GPR146: variants seen among roughly 807,000 people sequenced by gnomAD.
GPR146 encodes G protein-coupled receptor 146, also known as G-protein coupled receptor 146.
For synonymous variants in GPR146, 203 were observed against 104.3 expected (o/e 1.95, Z -5.77); for missense variants, 381 against 213.9 (o/e 1.78, Z -4.87).
chr7:1,048,052 G>C (rs911403752), intron 1 of GPR146, among the ~76,000 whole-genome samples: 1 of 152,142 alleles, frequency 6.6e-6, no homozygotes, highest in African/African-American at 2.4e-5. Context: ...AAGACTGGCG[G>C]AGGGGTGTGG....
chr7:1,050,636 G>A (rs997238670), intron 1 of GPR146, among the ~76,000 whole-genome samples: 1 of 152,202 alleles, frequency 6.6e-6, no homozygotes, highest in Non-Finnish European at 1.5e-5. Context: ...CAGCCTTCCC[G>A]GGCTTGGAAC....
At position 1,057,588 on chromosome 7, in the gene GPR146, G is replaced by A. The variant is rs899190503; in HGVS notation, c.73G>A (p.Gly25Arg). 3 of 771,856 alleles carry A rather than the reference G, an allele frequency of 3.9e-6. No individual in the cohort carries two copies. Among genetic ancestry groups the A allele is most frequent in the African/African-American group, 3.4e-5 (2 of 59,120 alleles). 47.8% of individuals were successfully genotyped at this position (771,856 alleles called of 1,614,324 possible). Residue 25 changes from glycine to arginine, a missense_variant, in exon 2 of 2, where the codon GGG (glycine) becomes AGG (arginine). Physicochemically the swap from Gly to Arg is moderately radical, Grantham distance 125. Coordinates refer to ENST00000444847, the MANE Select transcript of GPR146 (RefSeq NM_001303473.2). ...GCCTGCCTGCCAGGACCTGCAGCTG[G>A]GGCTGTCACTGTTGTCGCTGCTGGG... ...ELPACQDLQLGLSLLSLLGLV... is the reference protein window; with the variant it reads ...ELPACQDLQLRLSLLSLLGLV...
At chr7:1,053,431 G>A (rs1271035821) in intron 1 of GPR146, among the ~76,000 whole-genome samples, 8 of 152,204 alleles carry the variant, frequency 5.3e-5, no homozygotes, top group African/African-American at 1.4e-4. Context: ...CACGCGTCAC[G>A]AGTCTCCTGT....
chr7:1,055,918 C>T (rs754521349), intron 1 of GPR146, among the ~76,000 whole-genome samples: 13 of 152,306 alleles, frequency 8.5e-5, no homozygotes, highest in East Asian at 1.9e-4. Flanking sequence ...TGGGGGGTGA[C>T]GTCCCCAAAC....
intron 1 of GPR146, among the ~76,000 whole-genome samples, chr7:1,053,804 G>C (rs764158544): frequency 1.3e-5 from 2 of 152,178 alleles, no homozygotes; most frequent in Non-Finnish European, 2.9e-5. Flanking sequence ...TCCAGCCTGG[G>C]CAACAGAGCG....
Position 1,058,049 on chromosome 7 carries a change from C to T in GPR146, c.534C>T (p.Cys178=), listed in dbSNP as rs745465878. The T allele has an allele frequency of 4.6e-5, 35 of 768,424 alleles. No individual in the cohort carries two copies. Among genetic ancestry groups the T allele is most frequent in the South Asian group, 1.2e-4 (9 of 74,628 alleles). The allele number at this position is 768,424 out of a possible 1,614,324, so 47.6% of individuals were successfully genotyped here. A position where few individuals can be genotyped will look rare whatever the true frequency, so the allele number is the denominator to read the frequency against. The change falls in exon 2 of 2, where the codon TGC becomes TGT. Residue 178 remains cysteine (C), a synonymous_variant. Transcript: ENST00000444847. ...ATGTGTCCACCCGCGCGCTAGAGTGCGCCAAGATGCAGAACGCAGAAGCTG... is the reference window on the plus strand; with the variant it reads ...ATGTGTCCACCCGCGCGCTAGAGTGTGCCAAGATGCAGAACGCAGAAGCTG... ...CSHVSTRALE[C]AKMQNAEAAD...
intron 1 of GPR146, among the ~76,000 whole-genome samples, chr7:1,054,919 G>A (rs988972064): frequency 1.3e-5 from 2 of 152,236 alleles, no homozygotes; most frequent in African/African-American, 2.4e-5. Flanking sequence ...CCAGGCCTTC[G>A]CTCGACAGTA....
At position 1,052,550 on chromosome 7, in the gene GPR146, A is replaced by G. The variant is rs1208865520; in HGVS notation, c.-24-4942A>G. On this transcript the variant is annotated intron_variant, in intron 1 of 1. Transcript: ENST00000444847. The surrounding 1 kb of genome is among the most constrained non-coding windows in gnomAD (Gnocchi z 4.2). Reference sequence around the variant, plus strand: ...GGAAGAAGTGGGGGAGCCAGGAAGGAGCAGCTGCCAGGGACGGCCTGGCCT... The same window carrying G: ...GGAAGAAGTGGGGGAGCCAGGAAGGGGCAGCTGCCAGGGACGGCCTGGCCT... 6.6e-6 allele frequency among the ~76,000 whole-genome samples: 1 copy of G among 151,902 alleles called. No individual in the cohort carries two copies. Among genetic ancestry groups the G allele is most frequent in the Non-Finnish European group, 1.5e-5 (1 of 67,960 alleles).
At position 1,057,951 on chromosome 7, in the gene GPR146, C is replaced by T. The variant is rs561985859; in HGVS notation, c.436C>T (p.His146Tyr). ...CATGGCCAGCGTGTACAACACGCGG[C>T]ACGTGTGCGGCTTCGTGTGGGGTGG... ...TYMASVYNTRHVCGFVWGGAL... is the reference protein window; with the variant it reads ...TYMASVYNTRYVCGFVWGGAL... The change falls in exon 2 of 2, where the codon CAC (histidine) becomes TAC (tyrosine). Residue 146 changes from histidine (H) to tyrosine (Y), a missense_variant. Transcript: ENST00000444847. 2.6e-6 allele frequency: 2 copies of T among 772,782 alleles called. No individual in the cohort carries two copies. Among genetic ancestry groups the T allele is most frequent in the East Asian group, 4.8e-5 (2 of 41,248 alleles). The allele number at this position is 772,782 out of a possible 1,614,324, so 47.9% of individuals were successfully genotyped here.
At position 1,058,605 on chromosome 7, in the gene GPR146, G is replaced by A. The variant is rs1583617070; in HGVS notation, c.*88G>A. On this transcript the variant is annotated 3_prime_UTR_variant, in exon 2 of 2. Coordinates refer to ENST00000444847, the MANE Select transcript of GPR146 (RefSeq NM_001303473.2). ...CGCTCCCCACATCCTTCCAGAAGGAGACGAGCTGCTGGAAGAGAAGCAGGA... is the reference window on the plus strand; with the variant it reads ...CGCTCCCCACATCCTTCCAGAAGGAAACGAGCTGCTGGAAGAGAAGCAGGA... 6 of 644,370 alleles carry A rather than the reference G, an allele frequency of 9.3e-6. No individual in the cohort carries two copies. The East Asian group carries it at 1.6e-4, about 17-fold the overall frequency. 39.9% of individuals were successfully genotyped at this position (644,370 alleles called of 1,614,324 possible). A position where few individuals can be genotyped will look rare whatever the true frequency, so the allele number is the denominator to read the frequency against.
intron 1 of GPR146, chr7:1,055,389 C>T (rs1326558605): frequency 2.1e-6 from 1 of 470,372 alleles, no homozygotes; most frequent in Non-Finnish European, 4.4e-6. Context: ...CGCAGGTCCT[C>T]ACCAGAGCTC....
chr7:1,046,696 C>T (rs188573557), intron 1 of GPR146, among the ~76,000 whole-genome samples: 2 of 151,430 alleles, frequency 1.3e-5, no homozygotes, highest in East Asian at 3.9e-4. Flanking sequence ...CCCCCTTGAG[C>T]AGCAGAGGGA....
At chr7:1,053,401 G>A (rs1306522836) in intron 1 of GPR146, among the ~76,000 whole-genome samples, 2 of 152,260 alleles carry the variant, frequency 1.3e-5, no homozygotes, top group African/African-American at 4.8e-5. Flanking sequence ...CAGGGAGCTG[G>A]GTTGGCTGTG....
intron 1 of GPR146, among the ~76,000 whole-genome samples, chr7:1,047,036 T>G (rs1782647727): frequency 6.6e-6 from 1 of 152,234 alleles, no homozygotes; most frequent in Non-Finnish European, 1.5e-5. Context: ...GCCATGTCTT[T>G]GAATTTCTGA....
At chr7:1,051,116 T>G (rs1271983898) in intron 1 of GPR146, among the ~76,000 whole-genome samples, 2 of 152,178 alleles carry the variant, frequency 1.3e-5, no homozygotes, top group African/African-American at 4.8e-5. Context: ...CTCGGAGGCT[T>G]CATACAGCTC....
chr7:1,055,770 A>G (rs767400940), intron 1 of GPR146, among the ~76,000 whole-genome samples: 1 of 152,106 alleles, frequency 6.6e-6, no homozygotes, highest in Non-Finnish European at 1.5e-5. Flanking sequence ...ACACAGTGAG[A>G]CAGCCCTCCC....
At position 1,057,605 on chromosome 7, in the gene GPR146, G is replaced by A. The variant is rs770106886; in HGVS notation, c.90G>A (p.Ser30=). 8 of 770,076 alleles carry A rather than the reference G, an allele frequency of 1.0e-5. No homozygotes were observed. Among genetic ancestry groups the A allele is most frequent in the East Asian group, 4.9e-5 (2 of 40,994 alleles). 47.7% of individuals were successfully genotyped at this position (770,076 alleles called of 1,614,324 possible). ...TGCAGCTGGGGCTGTCACTGTTGTC[G>A]CTGCTGGGCCTGGTGGTGGGCGTGC... The part of the protein sequence containing the change: ...QDLQLGLSLL[S]LLGLVVGVPV... Residue 30 remains serine (S), a synonymous_variant, in exon 2 of 2, where the codon TCG becomes TCA. Coordinates refer to ENST00000444847, the MANE Select transcript of GPR146 (RefSeq NM_001303473.2).
chr7:1,057,160 G>A (rs904103446), intron 1 of GPR146, among the ~76,000 whole-genome samples: 2 of 152,062 alleles, frequency 1.3e-5, no homozygotes, highest in Admixed American at 1.3e-4. Flanking sequence ...ATCACTGTGC[G>A]GGGCCCGTCC....
At chr7:1,057,387 G>C (rs78351779) in intron 1 of GPR146, 105 bp from the exon 2 acceptor site, 80,231 of 603,806 alleles carry the variant, frequency 0.13, 6,249 homozygotes, top group Middle Eastern at 0.23. Flanking sequence ...TCTGTGGTCT[G>C]CAGCGATTAC....
Sources: allele counts gnomAD v4.1 joint callset (sites outside exome capture counted in the v4.1 genomes callset), GRCh38; gene constraint gnomAD v4.1.1; non-coding constraint Gnocchi (gnomAD v3.1); transcripts MANE v1.5; gene names NCBI Gene and HGNC (gene_info 2026-07-23, HGNC 2026-07-21).